The following BAHCC1 variants were observed in gnomAD, a reference collection of about 807,000 sequenced individuals.
BAHCC1 encodes BAH domain and coiled-coil containing 1.
A neutral mutation model predicts 88.2 loss-of-function variants in BAHCC1; 43 were observed. The ratio of observed to expected loss-of-function variants is 0.49; its 90% CI spans 0.38 to 0.63. BAHCC1 has a LOEUF of 0.63. Among genes scored for constraint, BAHCC1 ranks in the 20% least tolerant of loss-of-function variants. The pLI is 0.00. For synonymous variants in BAHCC1, 1,510 were observed against 745.5 expected (o/e 2.03, Z -16.71); for missense variants, 3,023 against 1,654.8 (o/e 1.83, Z -14.34).
rs147546405 is a variant in BAHCC1 at position 81,463,369 on chromosome 17, G to A, written c.7621-242G>A. Among the ~76,000 whole-genome samples, 898 of 152,300 alleles carry A rather than the reference G, an allele frequency of 5.9e-3. 7 individuals carry two copies. Among genetic ancestry groups the A allele is most frequent in the African/African-American group, 0.021 (862 of 41,552 alleles). ...ACCATATGACACGTCCATCTTTCAG[G>A]GAAATTAGTATTTCTCTGACTCCGA... is the stretch of plus-strand genomic sequence containing the variant. On this transcript the variant is annotated intron_variant, in intron 27 of 27. Coordinates refer to ENST00000675386, the MANE Select transcript of BAHCC1 (RefSeq NM_001377448.1).
intron 3 of BAHCC1, among the ~76,000 whole-genome samples, chr17:81,433,950 C>T (rs899056068): frequency 5.9e-5 from 9 of 152,200 alleles, no homozygotes; most frequent in Admixed American, 2.6e-4. Context: ...GAGTTGCGGG[C>T]GGGTGGAGGC....
At position 81,456,412 on chromosome 17, in the gene BAHCC1, G is replaced by A. The variant is rs923509063; in HGVS notation, c.4685G>A (p.Ser1562Asn). ...AGCAAAGGGCTGCCCACAGGCCTCA[G>A]CTCTTTCCAGCAGAAGGAGGCTACC... ...VKSKGLPTGL[S>N]SFQQKEATPG... Residue 1562 changes from serine (S) to asparagine (N), a missense_variant, in exon 16 of 28, where the codon AGC becomes AAC. Coordinates refer to ENST00000675386, the MANE Select transcript of BAHCC1 (RefSeq NM_001377448.1). The A allele has an allele frequency of 1.4e-6, 1 of 722,130 alleles. No homozygotes were observed. Among genetic ancestry groups the A allele is most frequent in the Non-Finnish European group, 2.6e-6 (1 of 387,908 alleles). 44.7% of individuals were successfully genotyped at this position (722,130 alleles called of 1,614,324 possible). A position where few individuals can be genotyped will look rare whatever the true frequency, so the allele number is the denominator to read the frequency against.
Position 81,435,394 on chromosome 17 carries a change from G to A in BAHCC1, c.359-2976G>A, listed in dbSNP as rs1321052760. 39 of 465,532 alleles carry A rather than the reference G, an allele frequency of 8.4e-5. No homozygotes were observed. Among genetic ancestry groups the A allele is most frequent in the Admixed American group, 1.9e-4 (8 of 42,460 alleles). The allele number at this position is 465,532 out of a possible 1,614,324, so 28.8% of individuals were successfully genotyped here. A position where few individuals can be genotyped will look rare whatever the true frequency, so the allele number is the denominator to read the frequency against. ...AGCAGGGGCAGGATGTGGGGACCTC[G>A]GTGCGACCCCCACTGCCCCCAGGGC... On this transcript the variant is annotated intron_variant, in intron 3 of 27. Coordinates refer to ENST00000675386, the MANE Select transcript of BAHCC1 (RefSeq NM_001377448.1). This position sits in a 1 kb window ranked among gnomAD's most constrained non-coding sequence, Gnocchi z 4.4.
At chr17:81,395,841 G>A (rs556156385) in intron 1 of BAHCC1, 33 of 150,680 alleles carry the variant, frequency 2.2e-4, no homozygotes, top group Admixed American at 1.3e-3. Flanking sequence ...GACTATGAGC[G>A]ATTTTTTTTT....
intron 3 of BAHCC1, among the ~76,000 whole-genome samples, chr17:81,431,765 C>T (rs2064263782): frequency 1.3e-5 from 2 of 152,318 alleles, no homozygotes; most frequent in South Asian, 4.1e-4. Context: ...TTGTGTGTGA[C>T]TGAGAGCCTG....
chr17:81,433,005 T>C (rs1598478341), intron 3 of BAHCC1, among the ~76,000 whole-genome samples: 1 of 146,840 alleles, frequency 6.8e-6, no homozygotes, highest in Non-Finnish European at 1.5e-5. Context: ...GAGGCTCCCA[T>C]GGGAACCTGG....
In BAHCC1 at chr17:81,445,336, T is replaced by C; in HGVS notation, c.2836-18T>C. On this transcript the variant is annotated intron_variant, in intron 9 of 27. Coordinates refer to ENST00000675386, the MANE Select transcript of BAHCC1 (RefSeq NM_001377448.1). ...AGGGGATCCTGAGCCTGACCGAGCT[T>C]GCCCCCATCCCTGACAGCGGAAGCC... The C allele has an allele frequency of 1.3e-6, 1 of 766,310 alleles. No homozygotes were observed. The highest frequency in any genetic ancestry group is 2.4e-6 in the Non-Finnish European group (1 of 412,402). 47.5% of individuals were successfully genotyped at this position (766,310 alleles called of 1,614,324 possible). A position where few individuals can be genotyped will look rare whatever the true frequency, so the allele number is the denominator to read the frequency against.
chr17:81,403,413 G>C (rs1398991089), intron 2 of BAHCC1, among the ~76,000 whole-genome samples: 1 of 151,888 alleles, frequency 6.6e-6, no homozygotes, highest in South Asian at 2.1e-4. Flanking sequence ...AAAGGCGAAG[G>C]CTCCTTCTGG....
At chr17:81,414,495 C>T (rs982150195) in intron 2 of BAHCC1, among the ~76,000 whole-genome samples, 1 of 152,208 alleles carries the variant, frequency 6.6e-6, no homozygotes, top group African/African-American at 2.4e-5. Context: ...GGGCCCCAAA[C>T]CCCCTCGGCC....
intron 2 of BAHCC1, chr17:81,400,997 A>G (rs1205649832): frequency 6.6e-6 from 1 of 152,314 alleles, no homozygotes; most frequent in East Asian, 1.9e-4. Context: ...AACATCAGAA[A>G]TGTTTGTCGC....
At chr17:81,446,102 C>T (rs35985002) in intron 10 of BAHCC1, among the ~76,000 whole-genome samples, 13 of 151,954 alleles carry the variant, frequency 8.6e-5, no homozygotes, top group Non-Finnish European at 1.8e-4. Context: ...GGGGGGGTCT[C>T]GGGCCTGGCC....
intron 3 of BAHCC1, among the ~76,000 whole-genome samples, chr17:81,433,038 C>T (rs528023988): frequency 6.6e-6 from 1 of 150,514 alleles, no homozygotes; most frequent in South Asian, 2.1e-4. Flanking sequence ...CTCTTAGCTA[C>T]CTTGCTCAGC....
At chr17:81,443,676 C>T (rs950587889) in intron 5 of BAHCC1, 112 bp downstream of exon 5, 18 of 636,472 alleles carry the variant, frequency 2.8e-5, no homozygotes, top group South Asian at 1.0e-4. Flanking sequence ...GCAGACCCTC[C>T]GAGGCCCCAG....
chr17:81,444,701 C>A lies in BAHCC1; in HGVS notation c.2546C>A (p.Pro849His), dbSNP rs782402043. 1 of 776,556 alleles carries A rather than the reference C, an allele frequency of 1.3e-6. No homozygotes were observed. Among genetic ancestry groups the A allele is most frequent in the Admixed American group, 1.7e-5 (1 of 58,972 alleles). The allele number at this position is 776,556 out of a possible 1,614,324, so 48.1% of individuals were successfully genotyped here. ...CACCCTGCCCTGCACCAGAACCTGC[C>A]CCCCGGCTTCCCCGCCTCCGTGGCT... ...LGHPALHQNL[P>H]PGFPASVAGP... is the part of the protein sequence containing the mutation. The change falls in exon 8 of 28, where the codon CCC (proline) becomes CAC (histidine). Residue 849 changes from proline (P) to histidine (H), a missense_variant. Transcript: ENST00000675386.
Position 81,445,466 on chromosome 17 carries a change from C to T in BAHCC1, c.2948C>T (p.Pro983Leu), listed in dbSNP as rs553240719. The change falls in exon 10 of 28, where the codon CCC becomes CTC. Residue 983 changes from proline to leucine, a missense_variant. By Grantham distance (98) the Pro-to-Leu change is moderately conservative (BLOSUM62 -3). Coordinates refer to ENST00000675386, the MANE Select transcript of BAHCC1 (RefSeq NM_001377448.1). The stretch of plus-strand genomic sequence containing the variant: ...CCCACGGCCCCGGGCGCCCCCTCAC[C>T]CGCTGCAGGCCCCACCAAGCTGCCA... Reference protein sequence around the residue: ...LTPTAPGAPSPAAGPTKLPPC... With the variant: ...LTPTAPGAPSLAAGPTKLPPC... 8 of 756,424 alleles carry T rather than the reference C, an allele frequency of 1.1e-5. No individual in the cohort carries two copies. Among genetic ancestry groups the T allele is most frequent in the African/African-American group, 5.1e-5 (3 of 58,386 alleles). The allele number at this position is 756,424 out of a possible 1,614,324, so 46.9% of individuals were successfully genotyped here.
intron 2 of BAHCC1, among the ~76,000 whole-genome samples, chr17:81,412,143 C>T (rs1350252495): frequency 1.3e-5 from 2 of 152,158 alleles, no homozygotes; most frequent in East Asian, 1.9e-4. Context: ...CAGGATCCTC[C>T]GGATCTCCGT....
intron 2 of BAHCC1, among the ~76,000 whole-genome samples, chr17:81,417,845 C>T (rs1488868039): frequency 1.3e-5 from 2 of 152,344 alleles, no homozygotes; most frequent in East Asian, 1.9e-4. Flanking sequence ...CCTGGGCGGG[C>T]GCCCCTCCCA....
chr17:81,397,884 A>G (rs2063762843), intron 1 of BAHCC1, among the ~76,000 whole-genome samples: 1 of 152,258 alleles, frequency 6.6e-6, no homozygotes, highest in African/African-American at 2.4e-5. Flanking sequence ...AGCTCTCCGA[A>G]TAAATATTAA....
At chr17:81,410,824 C>T (rs559005673) in intron 2 of BAHCC1, among the ~76,000 whole-genome samples, 1 of 152,000 alleles carries the variant, frequency 6.6e-6, no homozygotes, top group African/African-American at 2.4e-5. Context: ...CCGTATCCCC[C>T]CAGTCTCGGG....
Sources: gnomAD v4.1 joint callset for allele counts (sites outside exome capture counted in the v4.1 genomes callset) on GRCh38, gnomAD v4.1.1 for gene constraint, Gnocchi (gnomAD v3.1) non-coding constraint, MANE v1.5 for transcripts, NCBI Gene and HGNC (gene_info 2026-07-23, HGNC 2026-07-21) for gene names.